Variants in KCTD1 observed in about 807,000 individuals in gnomAD.
The protein encoded by KCTD1 is BTB/POZ domain-containing protein KCTD1.
Under a neutral mutation model 66.0 loss-of-function variants are expected in KCTD1, and 24 were observed. The ratio of observed to expected loss-of-function variants is 0.36; its 90% CI spans 0.26 to 0.51. The LOEUF is 0.51. Ranked by LOEUF, KCTD1 falls within the 20% of genes least tolerant of loss-of-function variation. The pLI is 0.95. For missense variants in KCTD1, 943 were observed against 1,205.2 expected (o/e 0.78, Z 3.22); for synonymous variants, 511 against 517.2 (o/e 0.99, Z 0.16).
chr18:26,546,010 G>A (rs971744820), intron 1 of KCTD1, among the ~76,000 whole-genome samples: 1 of 151,976 alleles, frequency 6.6e-6, no homozygotes, highest in African/African-American at 2.4e-5. Context: ...AGTGAGCTCC[G>A]TGGGGCTAGG....
chr18:26,549,545 G>T (rs1484844509), upstream of KCTD1: 7 of 360,718 alleles, frequency 1.9e-5, no homozygotes, highest in Admixed American at 3.3e-4. Flanking sequence ...TTCCCCACCC[G>T]CCCAGGGCGC....
intron 4 of KCTD1, chr18:26,457,868 G>C (rs1980180910): frequency 6.6e-6 from 1 of 152,188 alleles, no homozygotes; most frequent in Non-Finnish European, 1.5e-5. Flanking sequence ...CGTTAATCCA[G>C]ATGAAAATTT....
At position 26,612,986 on chromosome 18, in the gene KCTD1, A is replaced by G. The variant is rs188897379; in HGVS notation, c.-16+16161T>C. Among the ~76,000 whole-genome samples, 11 of 152,272 alleles carry G rather than the reference A, an allele frequency of 7.2e-5. No individual in the cohort carries two copies. The East Asian group carries it at 1.5e-3, about 21-fold the overall frequency. On this transcript the variant is annotated intron_variant, in intron 1 of 4. Coordinates refer to the KCTD1 transcript ENST00000317932. ...TCACTCATTTGATTTTTAATTGTACAGTGTCCAGTGTCACTGTTTCATATT... is the reference window on the plus strand; with the variant it reads ...TCACTCATTTGATTTTTAATTGTACGGTGTCCAGTGTCACTGTTTCATATT...
intron 1 of KCTD1, among the ~76,000 whole-genome samples, chr18:26,582,513 A>G (rs755428588): frequency 5.9e-5 from 9 of 152,228 alleles, no homozygotes; most frequent in Non-Finnish European, 1.2e-4. Context: ...TTTAAAGTGC[A>G]TATACCCTTT....
At chr18:26,530,065 A>G (rs1984363381) in intron 1 of KCTD1, among the ~76,000 whole-genome samples, 1 of 152,190 alleles carries the variant, frequency 6.6e-6, no homozygotes, top group Admixed American at 6.5e-5. Context: ...AGAGTCTCCC[A>G]AGGGAATGGA....
At chr18:26,630,157 T>A (rs893342744), upstream of KCTD1, among the ~76,000 whole-genome samples, 1 of 152,210 alleles carries the variant, frequency 6.6e-6, no homozygotes, top group African/African-American at 2.4e-5. Context: ...TGGGTAAAAC[T>A]GCTGGTGCCT....
At chr18:26,599,330 G>C in intron 1 of KCTD1, 1 of 1,338,774 alleles carries the variant, frequency 7.5e-7, no homozygotes, top group Non-Finnish European at 1.0e-6. Flanking sequence ...GGGAGAAGCC[G>C]GGAGCGAGCC....
chr18:26,596,400 G>A lies in KCTD1; in HGVS notation c.-16+32747C>T, dbSNP rs111273442. ...GTGAATCCTGCAGGACCTTGCTCTT[G>A]GACTTTCCATCCTCTAGAACTGTAA... On this transcript the variant is annotated intron_variant, in intron 1 of 4. Coordinates refer to the KCTD1 transcript ENST00000317932. Among the ~76,000 whole-genome samples, 164 of 152,300 alleles carry A rather than the reference G, an allele frequency of 1.1e-3. 2 individuals carry two copies. The highest frequency in any genetic ancestry group is 3.7e-3 in the African/African-American group (155 of 41,566).
intron 1 of KCTD1, among the ~76,000 whole-genome samples, chr18:26,540,628 C>T (rs72887320): frequency 0.022 from 3,413 of 152,258 alleles, 69 homozygotes; most frequent in Middle Eastern, 0.054. Flanking sequence ...GACAAGGAGA[C>T]CTTTATGATC....
chr18:26,524,448 T>C (rs959793635), intron 1 of KCTD1, among the ~76,000 whole-genome samples: 10 of 152,242 alleles, frequency 6.6e-5, no homozygotes, highest in African/African-American at 2.4e-4. Flanking sequence ...TTTAACTGTA[T>C]GTATTATTTA....
At chr18:26,631,101 A>G (rs1987609433), upstream of KCTD1, among the ~76,000 whole-genome samples, 1 of 152,220 alleles carries the variant, frequency 6.6e-6, no homozygotes. Context: ...GTGAAAAACT[A>G]TTTCATTTAT....
At chr18:26,523,568 T>C (rs1984018250) in intron 1 of KCTD1, among the ~76,000 whole-genome samples, 1 of 152,192 alleles carries the variant, frequency 6.6e-6, no homozygotes. Flanking sequence ...GAAGGATCAC[T>C]TGAGCCCAGG....
chr18:26,653,294 G>C (rs1988070410), intron 1 of KCTD1, among the ~76,000 whole-genome samples: 1 of 152,150 alleles, frequency 6.6e-6, no homozygotes, highest in Non-Finnish European at 1.5e-5. Context: ...CTCCCCCTTT[G>C]CTAAGCCTCT....
intron 1 of KCTD1, among the ~76,000 whole-genome samples, chr18:26,528,407 T>C (rs938218460): frequency 2.0e-5 from 3 of 152,138 alleles, no homozygotes; most frequent in African/African-American, 7.2e-5. Flanking sequence ...AATAAAACAA[T>C]CTAAAGCCAA....
intron 1 of KCTD1, among the ~76,000 whole-genome samples, chr18:26,647,989 T>G (rs2145074591): frequency 6.6e-6 from 1 of 152,172 alleles, no homozygotes; most frequent in African/African-American, 2.4e-5. Flanking sequence ...ATTACAGGCG[T>G]GCACCACCAT....
chr18:26,615,424 T>C (rs569912530), intron 1 of KCTD1, among the ~76,000 whole-genome samples: 2 of 152,294 alleles, frequency 1.3e-5, no homozygotes, highest in African/African-American at 4.8e-5. Flanking sequence ...AGTCCGTGGA[T>C]AGAGAAGGGG....
At chr18:26,501,468 A>C (rs1409448789) in intron 1 of KCTD1, among the ~76,000 whole-genome samples, 1 of 152,258 alleles carries the variant, frequency 6.6e-6, no homozygotes, top group Non-Finnish European at 1.5e-5. Flanking sequence ...TAAGGAGCTG[A>C]ACTAATGTTC....
At chr18:26,570,908 T>C (rs2144897602) in intron 1 of KCTD1, among the ~76,000 whole-genome samples, 1 of 152,370 alleles carries the variant, frequency 6.6e-6, no homozygotes, top group Non-Finnish European at 1.5e-5. Flanking sequence ...TGAGGTTGTC[T>C]AAATCATATG....
intron 1 of KCTD1, among the ~76,000 whole-genome samples, chr18:26,503,878 C>T (rs1391813992): frequency 1.3e-5 from 2 of 152,134 alleles, no homozygotes; most frequent in Non-Finnish European, 2.9e-5. Context: ...GAGATTGGCC[C>T]TTAAGGGCAA....
Sources: gnomAD v4.1 joint callset for allele counts (sites outside exome capture counted in the v4.1 genomes callset) on GRCh38, gnomAD v4.1.1 for gene constraint, MANE v1.5 for transcripts, NCBI Gene and HGNC (gene_info 2026-07-23, HGNC 2026-07-21) for gene names.